The following EMG1 variants were observed in gnomAD, a reference collection of about 807,000 sequenced individuals.
EMG1 encodes ribosomal RNA small subunit methyltransferase NEP1.
EMG1 carries 24 observed loss-of-function variants against 26.9 expected under a neutral mutation model. The ratio of observed to expected loss-of-function variants is 0.89; its 90% CI spans 0.65 to 1.26. The LOEUF (loss-of-function observed/expected upper bound fraction) is 1.26, where lower values mean the gene tolerates loss of function less well. Ranked by LOEUF, EMG1 falls within the 50% of genes most tolerant of loss-of-function variation. EMG1 has a pLI of 0.00. For missense variants in EMG1, 299 were observed against 307.6 expected (o/e 0.97, Z 0.21); for synonymous variants, 140 against 112.6 (o/e 1.24, Z -1.54).
chr12:6,997,307 C>G (rs1946644975), exon 8 of EMG1: 1 of 151,798 alleles, frequency 6.6e-6, no homozygotes, highest in Admixed American at 6.6e-5. Context: ...TCAAGTGATC[C>G]TCCTGCCTGA....
At chr12:6,980,544 C>CAA (rs1946459492), downstream of EMG1, among the ~76,000 whole-genome samples, 1 of 151,252 alleles carries the variant, frequency 6.6e-6, no homozygotes, top group Non-Finnish European at 1.5e-5. Context: ...TTTGTAGAGA[C>CAA]AGAGTCTCTC....
chr12:6,984,761 T>C (rs908595797), downstream of EMG1, among the ~76,000 whole-genome samples: 6 of 151,876 alleles, frequency 4.0e-5, no homozygotes, highest in African/African-American at 9.7e-5. Flanking sequence ...TATTTTGTAA[T>C]TTTTGTGGAC....
downstream of EMG1, chr12:6,981,381 T>G (rs1555154044): frequency 1.5e-6 from 1 of 673,682 alleles, no homozygotes; most frequent in Non-Finnish European, 2.5e-6. Context: ...GCAAATGCCT[T>G]GCTGGCATTG....
At position 6,979,758 on chromosome 12, in the gene EMG1, G is replaced by A; in HGVS notation, c.*3949G>A. 2 of 607,430 alleles carry A rather than the reference G, an allele frequency of 3.3e-6. No individual in the cohort carries two copies. The highest frequency in any genetic ancestry group is 2.0e-5 in the South Asian group (1 of 51,172). 37.6% of individuals were successfully genotyped at this position (607,430 alleles called of 1,614,324 possible). ...GGGAAAGATTTCTATGGCTGGCTAT[G>A]AGGAATGGGGACTGCAAACCTCTTA... is the stretch of plus-strand genomic sequence containing the variant. On this transcript the variant is annotated 3_prime_UTR_variant, in exon 6 of 6. Coordinates refer to ENST00000599672, the MANE Select transcript of EMG1 (RefSeq NM_006331.8).
At chr12:6,993,176 A>T (rs1011595499), downstream of EMG1, among the ~76,000 whole-genome samples, 3 of 152,096 alleles carry the variant, frequency 2.0e-5, no homozygotes, top group Non-Finnish European at 2.9e-5. Flanking sequence ...ATGGTGGCTT[A>T]TGCCTGTAAT....
rs1380892013 is a variant in EMG1, at chr12:6,987,521, C to T, written c.*155-261C>T. Among the ~76,000 whole-genome samples, 1 of 152,110 alleles carries T rather than the reference C, an allele frequency of 6.6e-6. No individual in the cohort carries two copies. Among genetic ancestry groups the T allele is most frequent in the Non-Finnish European group, 1.5e-5 (1 of 68,022 alleles). ...CAGCAAATATTGCTAAGAACTAGAG[C>T]CAGGAACTAGAAAGTATATAGACTA... On this transcript the variant is annotated intron_variant and NMD_transcript_variant, in intron 6 of 7. Transcript: ENST00000261406. The surrounding 1 kb of genome is among the most constrained non-coding windows in gnomAD (Gnocchi z 4.1).
intron 1 of EMG1, 132 bp from the exon 2 acceptor site, chr12:6,974,207 T>C (rs1489664649): frequency 1.5e-6 from 1 of 686,030 alleles, no homozygotes; most frequent in Admixed American, 2.1e-5. Context: ...AGGTCTAGGG[T>C]GGGCCTGAGA....
downstream of EMG1, chr12:6,981,731 AG>A (rs1325493919): frequency 5.3e-4 from 112 of 211,952 alleles, 2 homozygotes; most frequent in Non-Finnish European, 7.3e-4. Context: ...CGGGGGGCGG[AG>A]GGGGGGTGCC....
chr12:6,974,417 G>A lies in EMG1; in HGVS notation c.247G>A (p.Ala83Thr), dbSNP rs1555152726. 2 of 1,613,766 alleles carry A rather than the reference G, an allele frequency of 1.2e-6. No homozygotes were observed. The highest frequency in any genetic ancestry group is 1.1e-5 in the South Asian group (1 of 91,068). ...LLKNGRDPGE[A>T]RPDITHQSLL... is the part of the protein sequence containing the mutation. ...GAAGAATGGACGGGACCCTGGGGAAGCGCGGCCAGATATCACCCACCAGGT... is the reference window on the plus strand; with the variant it reads ...GAAGAATGGACGGGACCCTGGGGAAACGCGGCCAGATATCACCCACCAGGT... The change falls in exon 2 of 6, where the codon GCG becomes ACG. Residue 83 changes from alanine to threonine, a missense_variant. Coordinates refer to ENST00000599672, the MANE Select transcript of EMG1 (RefSeq NM_006331.8).
At chr12:6,981,936 CACT>C, downstream of EMG1, 4 of 1,090,514 alleles carry the variant, frequency 3.7e-6, no homozygotes, top group Non-Finnish European at 5.7e-6. Flanking sequence ...ATTCTAGCAT[CACT>C]ACTATTTCTT....
rs781825544 is a variant in EMG1 at position 6,974,445 on chromosome 12, C to T, written c.270+5C>T. ...CGGCCAGATATCACCCACCAGGTAA[C>T]TCCAGGGACAGTGCTCACAACCCTT... On this transcript the variant is annotated splice_donor_5th_base_variant and intron_variant, in intron 2 of 5. Coordinates refer to ENST00000599672, the MANE Select transcript of EMG1 (RefSeq NM_006331.8). 1.2e-6 allele frequency: 2 copies of T among 1,612,608 alleles called. No individual in the cohort carries two copies. Among genetic ancestry groups the T allele is most frequent in the South Asian group, 1.1e-5 (1 of 91,030 alleles).
Position 6,985,859 on chromosome 12 carries a change from C to T in EMG1, c.*155-1923C>T, listed in dbSNP as rs1378532658. Among the ~76,000 whole-genome samples the T allele has an allele frequency of 4.6e-5, 7 of 150,824 alleles. 1 individual carries two copies. Among genetic ancestry groups the T allele is most frequent in the African/African-American group, 1.5e-4 (6 of 41,052 alleles). On this transcript the variant is annotated intron_variant and NMD_transcript_variant, in intron 6 of 7. Coordinates refer to the EMG1 transcript ENST00000261406. The stretch of plus-strand genomic sequence containing the variant: ...CGATCTTGGCAGCTCACTGCAACCT[C>T]CGGCCCCTAGGTTCAAGCGATTCTC...
chr12:6,981,259 TG>T (rs1385659209), downstream of EMG1: 6 of 1,196,490 alleles, frequency 5.0e-6, no homozygotes, highest in Admixed American at 1.1e-4. Flanking sequence ...GTTCCCCACC[TG>T]TGTGCCCCAC....
At chr12:6,981,293 C>G (rs1386862885), downstream of EMG1, 2 of 877,066 alleles carry the variant, frequency 2.3e-6, no homozygotes, top group African/African-American at 3.4e-5. Flanking sequence ...TTCAAATAGC[C>G]TTCTCTTTGG....
In EMG1 at chr12:6,975,358, G is replaced by A; in HGVS notation, c.601G>A (p.Gly201Arg). The A allele has an allele frequency of 3.7e-6, 6 of 1,603,144 alleles. No individual in the cohort carries two copies. Among genetic ancestry groups the A allele is most frequent in the Non-Finnish European group, 5.1e-6 (6 of 1,174,290 alleles). ...PSSDPIVFVV[G>R]AFAHGKVSVE... ...CAGTGATCCTATTGTTTTTGTGGTA[G>A]GGGCCTTTGCCCATGGCAAGGTAAG... The change falls in exon 5 of 6, where the codon GGG becomes AGG. Residue 201 changes from glycine (G) to arginine (R), a missense_variant. Coordinates refer to ENST00000599672, the MANE Select transcript of EMG1 (RefSeq NM_006331.8).
chr12:6,971,128 A>C (rs1555152196), intron 1 of EMG1, 37 bp downstream of exon 1: 3 of 1,564,170 alleles, frequency 1.9e-6, no homozygotes, highest in Non-Finnish European at 2.6e-6. Flanking sequence ...TAGTAAATCG[A>C]TAGGTTGGGA....
chr12:6,974,411 G>A lies in EMG1; in HGVS notation c.241G>A (p.Gly81Arg). The change falls in exon 2 of 6, where the codon GGG (glycine) becomes AGG (arginine). Residue 81 changes from glycine (G) to arginine (R), a missense_variant. Physicochemically the swap from Gly to Arg is moderately radical, Grantham distance 125. Coordinates refer to ENST00000599672, the MANE Select transcript of EMG1 (RefSeq NM_006331.8). ...SILLKNGRDP[G>R]EARPDITHQS... ...ATTGTTGAAGAATGGACGGGACCCT[G>A]GGGAAGCGCGGCCAGATATCACCCA... is the stretch of plus-strand genomic sequence containing the variant. The A allele has an allele frequency of 6.2e-7, 1 of 1,613,740 alleles. No individual in the cohort carries two copies. Among genetic ancestry groups the A allele is most frequent in the Non-Finnish European group, 8.5e-7 (1 of 1,179,712 alleles).
chr12:6,997,413 G>A (rs1433092986), exon 8 of EMG1: 2 of 150,898 alleles, frequency 1.3e-5, no homozygotes, highest in African/African-American at 2.6e-5. Context: ...GTGTGTGTGT[G>A]TGTGTGTGTG....
intron 3 of EMG1, 51 bp downstream of exon 3, chr12:6,974,744 G>A: frequency 6.3e-7 from 1 of 1,593,358 alleles, no homozygotes; most frequent in Non-Finnish European, 8.6e-7. Flanking sequence ...AGGGAAGAAG[G>A]GAGGAAGAGG....
Sources: allele counts gnomAD v4.1 joint callset (sites outside exome capture counted in the v4.1 genomes callset), GRCh38; gene constraint gnomAD v4.1.1; non-coding constraint Gnocchi (gnomAD v3.1); transcripts MANE v1.5; gene names NCBI Gene and HGNC (gene_info 2026-07-23, HGNC 2026-07-21).